COBLL1: variants seen among roughly 807,000 people sequenced by gnomAD.
COBLL1 encodes cordon-bleu WH2 repeat protein like 1.
COBLL1 carries 50 observed loss-of-function variants against 94.8 expected under a neutral mutation model. The ratio of observed to expected loss-of-function variants is 0.53; its 90% CI spans 0.42 to 0.67. The LOEUF (loss-of-function observed/expected upper bound fraction) is 0.67. Among genes scored for constraint, COBLL1 ranks in the 30% least tolerant of loss-of-function variants. COBLL1 has a pLI of 0.00. For synonymous variants in COBLL1, 448 were observed against 473.8 expected (o/e 0.95, Z 0.71); for missense variants, 1,362 against 1,348.7 (o/e 1.01, Z -0.15).
At chr2:164,841,927 G>A, upstream of COBLL1, 1 of 1,503,270 alleles carries the variant, frequency 6.7e-7, no homozygotes, top group Non-Finnish European at 8.9e-7. The surrounding 1 kb of genome is among the most constrained non-coding windows in gnomAD (Gnocchi z 5.5). Flanking sequence ...GGGCGCTGGG[G>A]GCCTCGCTGG....
intron 2 of COBLL1, among the ~76,000 whole-genome samples, chr2:164,745,306 C>T (rs1456304403): frequency 6.6e-6 from 1 of 152,064 alleles, no homozygotes; most frequent in African/African-American, 2.4e-5. Flanking sequence ...ATAATAGAAA[C>T]ATATTGTACT....
downstream of COBLL1, among the ~76,000 whole-genome samples, chr2:164,676,816 C>A (rs1691346830): frequency 6.6e-6 from 1 of 152,100 alleles, no homozygotes; most frequent in Non-Finnish European, 1.5e-5. Flanking sequence ...ATTATGTCAC[C>A]TTTCTGCTCA....
intron 7 of COBLL1, among the ~76,000 whole-genome samples, chr2:164,714,142 AC>A (rs1220147171): frequency 3.0e-5 from 4 of 134,708 alleles, no homozygotes; most frequent in Non-Finnish European, 6.2e-5. Context: ...TTGTCTAGGC[AC>A]AATAGAAAGA....
chr2:164,722,744 A>G (rs1381175388), intron 5 of COBLL1: 1 of 268,600 alleles, frequency 3.7e-6, no homozygotes, highest in African/African-American at 2.2e-5. Flanking sequence ...ACTAAGATAC[A>G]TAATCCAGGC....
In COBLL1 at chr2:164,685,138, T is replaced by C. The variant is rs1175199694; in HGVS notation, c.*808A>G. Reference sequence around the variant, plus strand: ...AAACATAAACTAACCCCTATTCCTCTCTACATATCAAATGTGAAATAACTG... The same window carrying C: ...AAACATAAACTAACCCCTATTCCTCCCTACATATCAAATGTGAAATAACTG... On this transcript the variant is annotated 3_prime_UTR_variant, in exon 14 of 14. Transcript: ENST00000652658. The C allele has an allele frequency of 6.6e-6, 1 of 152,174 alleles. No individual in the cohort carries two copies. Among genetic ancestry groups the C allele is most frequent in the African/African-American group, 2.4e-5 (1 of 41,440 alleles). 9.4% of individuals were successfully genotyped at this position (152,174 alleles called of 1,614,324 possible).
At chr2:164,697,523 G>C (rs1473407562) in intron 11 of COBLL1, 3 of 152,122 alleles carry the variant, frequency 2.0e-5, no homozygotes, top group African/African-American at 7.2e-5. Context: ...CAGGAAATGA[G>C]TCTAAATGTA....
intron 2 of COBLL1, among the ~76,000 whole-genome samples, chr2:164,767,090 T>C (rs1315439235): frequency 2.0e-5 from 3 of 152,206 alleles, no homozygotes; most frequent in Non-Finnish European, 4.4e-5. Flanking sequence ...AGCATAACTG[T>C]GTTTAACTTA....
chr2:164,832,166 C>T (rs919363692), intron 2 of COBLL1, among the ~76,000 whole-genome samples: 4 of 152,150 alleles, frequency 2.6e-5, no homozygotes, highest in Admixed American at 6.5e-5. Flanking sequence ...AAGGCAGATT[C>T]GAGAGATGGA....
At chr2:164,724,983 T>C (rs965806887) in intron 5 of COBLL1, 5 of 151,608 alleles carry the variant, frequency 3.3e-5, no homozygotes, top group South Asian at 2.1e-4. Flanking sequence ...TAGCACTTTA[T>C]GGTTAAAGTT....
intron 2 of COBLL1, among the ~76,000 whole-genome samples, chr2:164,659,777 T>A (rs1364918785): frequency 2.0e-5 from 3 of 152,200 alleles, no homozygotes. Flanking sequence ...ATATTTATTC[T>A]GGATTTTTTT....
chr2:164,756,657 G>A lies in COBLL1; in HGVS notation c.42-12782C>T, dbSNP rs146605589. Among the ~76,000 whole-genome samples the A allele has an allele frequency of 1.9e-3, 288 of 152,120 alleles. 4 individuals are homozygous for A. The highest frequency in any genetic ancestry group is 7.3e-3 in the South Asian group (35 of 4,822). ...CTGTTTTTGGTGGGGACATGTGGGC[G>A]ATACGGCAGGGAGAAAACAAAAATA... is the stretch of plus-strand genomic sequence containing the variant. On this transcript the variant is annotated intron_variant, in intron 2 of 13. Transcript: ENST00000652658.
chr2:164,761,876 C>A (rs1045129098), intron 2 of COBLL1, among the ~76,000 whole-genome samples: 7 of 152,192 alleles, frequency 4.6e-5, no homozygotes, highest in African/African-American at 1.7e-4. Context: ...TTAGGCAGCT[C>A]TATGCCAAGT....
chr2:164,760,935 A>C (rs1687651437), intron 2 of COBLL1, among the ~76,000 whole-genome samples: 1 of 152,200 alleles, frequency 6.6e-6, no homozygotes, highest in African/African-American at 2.4e-5. Flanking sequence ...CCGAACTAAA[A>C]TAAAGGCAAA....
chr2:164,799,480 G>A (rs192519872), intron 2 of COBLL1, among the ~76,000 whole-genome samples: 1 of 152,214 alleles, frequency 6.6e-6, no homozygotes, highest in East Asian at 1.9e-4. Flanking sequence ...TAAATTCAGA[G>A]GCATATCCTG....
intron 2 of COBLL1, among the ~76,000 whole-genome samples, chr2:164,793,529 C>A (rs1219397169): frequency 6.6e-6 from 1 of 151,980 alleles, no homozygotes; most frequent in Non-Finnish European, 1.5e-5. Context: ...TAATATTATG[C>A]CCTAATTTAT....
At chr2:164,834,066 GA>G (rs1392246200) in intron 2 of COBLL1, among the ~76,000 whole-genome samples, 6 of 151,944 alleles carry the variant, frequency 3.9e-5, no homozygotes, top group African/African-American at 1.2e-4. Context: ...GCAGATGGGG[GA>G]AAAAATTTAG....
chr2:164,694,683 C>T lies in COBLL1; in HGVS notation c.2709G>A (p.Glu903=), dbSNP rs1683812883. 1.9e-6 allele frequency: 3 copies of T among 1,613,616 alleles called. No homozygotes were observed. Among genetic ancestry groups the T allele is most frequent in the South Asian group, 1.1e-5 (1 of 91,072 alleles). ...NPAPKELTNK[E]AERDMLPSPE... ...GAGAAGGCAGCATATCCCTTTCTGCCTCTTTATTTGTCAGTTCTTTTGGAG... is the reference window on the plus strand; with the variant it reads ...GAGAAGGCAGCATATCCCTTTCTGCTTCTTTATTTGTCAGTTCTTTTGGAG... The change falls in exon 12 of 14, where the codon GAG becomes GAA. Residue 903 remains glutamate, a synonymous_variant. Coordinates refer to ENST00000652658, the MANE Select transcript of COBLL1 (RefSeq NM_001365672.2).
intron 2 of COBLL1, among the ~76,000 whole-genome samples, chr2:164,820,054 G>A (rs1031205204): frequency 1.7e-4 from 25 of 149,386 alleles, no homozygotes; most frequent in East Asian, 6.0e-4. Flanking sequence ...GGCTGGTCTC[G>A]AACTCCTGAC....
intron 2 of COBLL1, among the ~76,000 whole-genome samples, chr2:164,838,319 A>G (rs1441222150): frequency 1.3e-5 from 2 of 152,220 alleles, no homozygotes; most frequent in African/African-American, 4.8e-5. Context: ...GAATGTTTCA[A>G]AGAAAAAGCA....
Sources: gnomAD v4.1 joint callset for allele counts (sites outside exome capture counted in the v4.1 genomes callset) on GRCh38, gnomAD v4.1.1 for gene constraint, Gnocchi (gnomAD v3.1) non-coding constraint, MANE v1.5 for transcripts, NCBI Gene and HGNC (gene_info 2026-07-23, HGNC 2026-07-21) for gene names.